FABP12: variants seen among roughly 807,000 people sequenced by gnomAD.
FABP12 encodes the protein fatty acid-binding protein 12.
FABP12 carries 19 observed loss-of-function variants against 13.7 expected under a neutral mutation model. The observed-to-expected ratio is 1.39, with a 90% CI of 0.97 to 2.04. FABP12 has a LOEUF of 2.04. FABP12 is among the 30% of genes most tolerant of loss of function. FABP12 has a pLI of 0.00. For synonymous variants in FABP12, 61 were observed against 57.0 expected, an observed-to-expected ratio of 1.07 and a Z score of -0.32; for missense variants, 182 against 164.2, an observed-to-expected ratio of 1.11 and a Z score of -0.59.
intron 4 of FABP12, chr8:81,526,529 T>C (rs986784342): frequency 5.2e-5 from 8 of 152,458 alleles, no homozygotes; most frequent in Admixed American, 4.6e-4. Context: ...AGGATTATTG[T>C]GGAAATTGGG....
At chr8:81,541,963 G>A (rs1195545568) in intron 1 of FABP12, among the ~76,000 whole-genome samples, 1 of 142,284 alleles carries the variant, frequency 7.0e-6, no homozygotes, top group Non-Finnish European at 1.5e-5. Flanking sequence ...TCTTTCAACA[G>A]GATCTGAGCC....
chr8:81,575,238 G>T (rs79506468), intron 1 of FABP12, among the ~76,000 whole-genome samples: 7,351 of 152,184 alleles, frequency 0.048, 223 homozygotes, highest in East Asian at 0.16. Context: ...GCAGGTAATT[G>T]AATTTCCATG....
intron 1 of FABP12, among the ~76,000 whole-genome samples, chr8:81,569,559 A>T (rs1809887205): frequency 6.6e-6 from 1 of 152,192 alleles, no homozygotes; most frequent in Non-Finnish European, 1.5e-5. Context: ...GCCTGAGATT[A>T]TGCTTCATTT....
intron 1 of FABP12, among the ~76,000 whole-genome samples, chr8:81,545,712 C>T (rs1809424189): frequency 6.6e-6 from 1 of 152,148 alleles, no homozygotes; most frequent in African/African-American, 2.4e-5. Context: ...ACTTCGAAAA[C>T]TGGTTTTCTA....
intron 1 of FABP12, among the ~76,000 whole-genome samples, chr8:81,567,946 C>T (rs956592249): frequency 2.0e-5 from 3 of 151,962 alleles, no homozygotes; most frequent in Admixed American, 6.5e-5. Flanking sequence ...AAGGTGAAAC[C>T]CCGTCTCTAC....
At chr8:81,580,700 C>G (rs796513244) in intron 1 of FABP12, among the ~76,000 whole-genome samples, 13 of 152,182 alleles carry the variant, frequency 8.5e-5, no homozygotes, top group African/African-American at 2.7e-4. Context: ...CATTGTCCCC[C>G]CAAAGGCAAA....
intron 1 of FABP12, among the ~76,000 whole-genome samples, chr8:81,582,118 ATTTT>A (rs34960860): frequency 1.8e-4 from 17 of 96,786 alleles, no homozygotes; most frequent in Middle Eastern, 9.3e-3. Flanking sequence ...GCTAACTGGA[ATTTT>A]TTTTTTTTTT....
intron 1 of FABP12, among the ~76,000 whole-genome samples, chr8:81,549,382 GAT>G (rs1320117310): frequency 2.6e-5 from 4 of 152,136 alleles, no homozygotes. Flanking sequence ...GTCTTTATCT[GAT>G]TGTAATTCTG....
intron 1 of FABP12, among the ~76,000 whole-genome samples, chr8:81,577,704 T>C (rs1585859201): frequency 1.3e-5 from 2 of 152,154 alleles, no homozygotes; most frequent in African/African-American, 2.4e-5. Context: ...GAGGTTGCAG[T>C]GAGCCGAGAT....
chr8:81,557,784 A>G (rs188834225), intron 1 of FABP12, among the ~76,000 whole-genome samples: 152 of 152,374 alleles, frequency 1.0e-3, no homozygotes, highest in African/African-American at 3.6e-3. Flanking sequence ...CAGAAGGATA[A>G]AAATGAAGCA....
At position 81,548,652 on chromosome 8, in the gene FABP12, T is replaced by C. The variant is rs143333245; in HGVS notation, c.-184-8909A>G. ...ACTCCCACAAGGTCGGGCCTCTCTA[T>C]ACTTTGCTAGTTCTGATGATTACAA... On this transcript the variant is annotated intron_variant, in intron 1 of 5. Transcript: ENST00000692030. 1.5e-3 allele frequency among the ~76,000 whole-genome samples: 236 copies of C among 152,324 alleles called. 1 individual carries two copies. Among genetic ancestry groups the C allele is most frequent in the Admixed American group, 3.7e-3 (56 of 15,306 alleles).
intron 1 of FABP12, among the ~76,000 whole-genome samples, chr8:81,564,074 C>A (rs1279609959): frequency 6.6e-6 from 1 of 152,010 alleles, no homozygotes; most frequent in Non-Finnish European, 1.5e-5. Context: ...TGGTGTTGCT[C>A]CAATATGTCT....
intron 1 of FABP12, among the ~76,000 whole-genome samples, chr8:81,549,527 A>C (rs946816429): frequency 1.3e-5 from 2 of 152,188 alleles, no homozygotes; most frequent in Non-Finnish European, 2.9e-5. Context: ...GGCACCCCAG[A>C]AAGAGAAGCA....
At chr8:81,535,295 AC>A (rs942541734), upstream of FABP12, among the ~76,000 whole-genome samples, 12 of 152,290 alleles carry the variant, frequency 7.9e-5, no homozygotes, top group African/African-American at 2.9e-4. Flanking sequence ...CTCCCCTGCC[AC>A]CGAATACAAT....
intron 1 of FABP12, among the ~76,000 whole-genome samples, chr8:81,549,951 CT>C (rs1809498494): frequency 6.6e-6 from 1 of 152,248 alleles, no homozygotes; most frequent in Middle Eastern, 3.4e-3. Context: ...TATGAATTTG[CT>C]TTAAAAATGT....
At chr8:81,581,898 T>C (rs1461166837) in intron 1 of FABP12, among the ~76,000 whole-genome samples, 1 of 151,868 alleles carries the variant, frequency 6.6e-6, no homozygotes, top group East Asian at 1.9e-4. Context: ...AAACAACTGG[T>C]AGAGCAAACA....
chr8:81,534,335 G>A (rs746025678), upstream of FABP12, among the ~76,000 whole-genome samples: 1 of 152,086 alleles, frequency 6.6e-6, no homozygotes, highest in Non-Finnish European at 1.5e-5. Context: ...ATGCCTAAAT[G>A]TGCAATATGT....
chr8:81,541,371 G>A (rs2129987421), intron 1 of FABP12, among the ~76,000 whole-genome samples: 1 of 152,198 alleles, frequency 6.6e-6, no homozygotes, highest in South Asian at 2.1e-4. Context: ...GAGAAGCCCT[G>A]TTGTTTACCA....
chr8:81,569,980 G>A (rs1248850597), intron 1 of FABP12, among the ~76,000 whole-genome samples: 1 of 152,232 alleles, frequency 6.6e-6, no homozygotes, highest in Non-Finnish European at 1.5e-5. Context: ...ATAGACTGGA[G>A]TCAGGCATGG....
Sources: allele counts gnomAD v4.1 joint callset (sites outside exome capture counted in the v4.1 genomes callset), GRCh38; gene constraint gnomAD v4.1.1; transcripts MANE v1.5; gene names NCBI Gene and HGNC (gene_info 2026-07-23, HGNC 2026-07-21).